The following DSCAM variants were observed in gnomAD, a reference collection of about 807,000 sequenced individuals.
DSCAM encodes the protein cell adhesion molecule DSCAM.
DSCAM carries 47 observed loss-of-function variants against 217.7 expected under a neutral mutation model. The observed-to-expected ratio is 0.22, with a 90% CI of 0.17 to 0.28. The LOEUF (loss-of-function observed/expected upper bound fraction) is 0.28, where lower values mean the gene tolerates loss of function less well. DSCAM is among the 10% of genes least tolerant of loss of function. The pLI, the probability that DSCAM is intolerant of heterozygous loss-of-function variation, is 1.00. For synonymous variants in DSCAM, 1,056 were observed against 1,015.3 expected, an observed-to-expected ratio of 1.04 and a Z score of -0.76; for missense variants, 2,080 against 2,618.3, an observed-to-expected ratio of 0.79 and a Z score of 4.49.
intron 1 of DSCAM, among the ~76,000 whole-genome samples, chr21:40,824,424 G>A: frequency 1.1e-5 from 1 of 93,758 alleles, no homozygotes; most frequent in South Asian, 2.5e-4. Flanking sequence ...TTTTTTTGGA[G>A]ACAGAAGCTG....
intron 1 of DSCAM, among the ~76,000 whole-genome samples, chr21:40,821,991 C>T (rs1319937873): frequency 1.3e-5 from 2 of 150,646 alleles, no homozygotes; most frequent in African/African-American, 2.5e-5. Flanking sequence ...AACAAATCTG[C>T]GCATGTATCC....
intron 1 of DSCAM, among the ~76,000 whole-genome samples, chr21:40,828,204 A>G: frequency 6.6e-6 from 1 of 152,180 alleles, no homozygotes; most frequent in African/African-American, 2.4e-5. Context: ...GGAGTTCAAG[A>G]CCAGCCCAGG....
At chr21:40,307,814 C>T (rs1601537145) in intron 9 of DSCAM, among the ~76,000 whole-genome samples, 1 of 151,740 alleles carries the variant, frequency 6.6e-6, no homozygotes, top group Admixed American at 6.6e-5. Context: ...ATCATCATTC[C>T]CAGTAAACTA....
At chr21:40,615,058 C>T (rs1055864722) in intron 3 of DSCAM, among the ~76,000 whole-genome samples, 6 of 151,634 alleles carry the variant, frequency 4.0e-5, no homozygotes, top group African/African-American at 1.5e-4. Context: ...AATCCCAACA[C>T]TTTGGGAGGC....
chr21:40,738,346 C>G lies in DSCAM; in HGVS notation c.44-29575G>C, dbSNP rs530619340. ...AGTGGGAAAGAGTTGCATCAGGGAC[C>G]CAGAGCTGGTTCTGTAACCACTTAA... is the stretch of plus-strand genomic sequence containing the variant. On this transcript the variant is annotated intron_variant, in intron 1 of 32. Coordinates refer to ENST00000400454, the MANE Select transcript of DSCAM (RefSeq NM_001389.5). Among the ~76,000 whole-genome samples, 18 of 152,236 alleles carry G rather than the reference C, an allele frequency of 1.2e-4. No homozygotes were observed. The South Asian group carries it at 3.5e-3, about 30-fold the overall frequency.
chr21:40,459,574 A>C (rs1364697702), intron 3 of DSCAM, among the ~76,000 whole-genome samples: 1 of 152,240 alleles, frequency 6.6e-6, no homozygotes, highest in Non-Finnish European at 1.5e-5. Flanking sequence ...AAATGTGTAC[A>C]AACCATATGA....
chr21:40,766,420 A>G (rs2091390016), intron 1 of DSCAM, among the ~76,000 whole-genome samples: 3 of 152,150 alleles, frequency 2.0e-5, no homozygotes, highest in African/African-American at 7.2e-5. Context: ...GGAAGATGAC[A>G]CATAACTAAC....
chr21:40,363,097 C>A (rs556652893), intron 4 of DSCAM, among the ~76,000 whole-genome samples: 1 of 152,112 alleles, frequency 6.6e-6, no homozygotes, highest in African/African-American at 2.4e-5. Flanking sequence ...AAGCCATGGT[C>A]CCTTTTAGTA....
intron 4 of DSCAM, among the ~76,000 whole-genome samples, chr21:40,363,132 C>A (rs2074786165): frequency 6.6e-6 from 1 of 151,972 alleles, no homozygotes; most frequent in South Asian, 2.1e-4. Context: ...AAAGAATCTA[C>A]AATCTAGATG....
In DSCAM at chr21:40,042,362, C is replaced by G. The variant is rs369441952; in HGVS notation, c.5686+9G>C. 4 of 1,611,230 alleles carry G rather than the reference C, an allele frequency of 2.5e-6. No individual in the cohort carries two copies. The highest frequency in any genetic ancestry group is 3.4e-6 in the Non-Finnish European group (4 of 1,178,342). On this transcript the variant is annotated intron_variant, in intron 32 of 32. Transcript: ENST00000400454. ...AAGCGACGGCCCCCAGGTGGCCTTG[C>G]TCACCTACCTGGCCGATGTGCCTTT...
intron 20 of DSCAM, among the ~76,000 whole-genome samples, chr21:40,122,432 T>C (rs781239269): frequency 6.6e-6 from 1 of 152,204 alleles, no homozygotes; most frequent in Non-Finnish European, 1.5e-5. Context: ...AATGAATGAA[T>C]GAGTGAATAC....
chr21:40,147,863 A>G (rs4816674), intron 16 of DSCAM, among the ~76,000 whole-genome samples: 115,173 of 152,008 alleles, frequency 0.76, 43,799 homozygotes, highest in South Asian at 0.84. Context: ...TGGGGATATT[A>G]TTGTTTCCAG....
intron 11 of DSCAM, among the ~76,000 whole-genome samples, chr21:40,250,478 T>TA (rs1217129148): frequency 2.0e-5 from 3 of 151,902 alleles, no homozygotes; most frequent in Non-Finnish European, 4.4e-5. Context: ...CATAATTTTT[T>TA]AAAAAATTCC....
intron 3 of DSCAM, among the ~76,000 whole-genome samples, chr21:40,644,617 G>A (rs1388504330): frequency 2.6e-5 from 4 of 152,144 alleles, no homozygotes; most frequent in Non-Finnish European, 5.9e-5. Flanking sequence ...AGGGCACCTA[G>A]GGGTGTTACC....
chr21:40,269,668 A>C (rs1198327973), intron 11 of DSCAM, among the ~76,000 whole-genome samples: 1 of 151,946 alleles, frequency 6.6e-6, no homozygotes. Context: ...TCTACAGGAG[A>C]CCCCTTCCTT....
intron 9 of DSCAM, among the ~76,000 whole-genome samples, chr21:40,297,638 T>C (rs528155038): frequency 2.0e-5 from 3 of 152,302 alleles, no homozygotes; most frequent in Admixed American, 6.5e-5. Flanking sequence ...TACAATGATC[T>C]GAGCCAACGT....
chr21:40,521,085 T>C (rs1396506504), intron 3 of DSCAM, among the ~76,000 whole-genome samples: 2 of 152,364 alleles, frequency 1.3e-5, no homozygotes, highest in African/African-American at 2.4e-5. Context: ...CCCTACTGTA[T>C]GTAGAACAGT....
chr21:40,760,169 AT>A (rs921776231), intron 1 of DSCAM, among the ~76,000 whole-genome samples: 5 of 150,968 alleles, frequency 3.3e-5, no homozygotes, highest in East Asian at 2.0e-4. Context: ...AATTTTTGAA[AT>A]TTTTTTTCAT....
chr21:40,767,900 C>CTG (rs985401541), intron 1 of DSCAM, among the ~76,000 whole-genome samples: 4 of 151,860 alleles, frequency 2.6e-5, no homozygotes, highest in Non-Finnish European at 5.9e-5. Context: ...CTCTCTCTCC[C>CTG]TGTGTGTGTG....
Sources: gnomAD v4.1 joint callset for allele counts (sites outside exome capture counted in the v4.1 genomes callset) on GRCh38, gnomAD v4.1.1 for gene constraint, MANE v1.5 for transcripts, NCBI Gene and HGNC (gene_info 2026-07-23, HGNC 2026-07-21) for gene names.